NEU3: variants seen among roughly 807,000 people sequenced by gnomAD.
The protein encoded by NEU3 is sialidase-3.
In NEU3, 10 loss-of-function variants were observed where a neutral mutation model predicts 11.4. The ratio of observed to expected loss-of-function variants is 0.88; its 90% CI spans 0.54 to 1.49. The LOEUF (loss-of-function observed/expected upper bound fraction) is 1.49, where lower values mean the gene tolerates loss of function less well. Ranked by LOEUF, NEU3 falls within the 40% of genes most tolerant of loss-of-function variation. The probability of loss-of-function intolerance (pLI) is 0.00; values close to 1 mark genes in which losing one functional copy is unlikely to be tolerated. For synonymous variants in NEU3, 212 were observed against 228.2 expected (o/e 0.93, Z 0.64); for missense variants, 529 against 581.8 (o/e 0.91, Z 0.93).
In NEU3 at chr11:74,994,675, C is replaced by A. The variant is rs780006680; in HGVS notation, c.261C>A (p.Leu87=). The A allele has an allele frequency of 3.7e-6, 6 of 1,614,006 alleles. No homozygotes were observed. Among genetic ancestry groups the A allele is most frequent in the Non-Finnish European group, 5.1e-6 (6 of 1,179,900 alleles). Residue 87 remains leucine, a synonymous_variant, in exon 2 of 3, where the codon CTC becomes CTA. Coordinates refer to ENST00000294064, the MANE Select transcript of NEU3 (RefSeq NM_006656.6). ...KRSTRRDEDA[L]HLVLRRGLRI... is the part of the protein sequence containing the mutation. ...CTACGAGGAGAGATGAGGATGCTCT[C>A]CACCTGGTGCTGAGGCGAGGGTTGA... is the stretch of plus-strand genomic sequence containing the variant.
chr11:75,002,978 T>C (rs1948860948), intron 2 of NEU3, among the ~76,000 whole-genome samples: 1 of 152,214 alleles, frequency 6.6e-6, no homozygotes, highest in Non-Finnish European at 1.5e-5. Flanking sequence ...GTTGGATACT[T>C]GGGTTAGTTA....
chr11:75,003,021 C>A (rs1948861487), intron 2 of NEU3, among the ~76,000 whole-genome samples: 1 of 152,054 alleles, frequency 6.6e-6, no homozygotes, highest in Non-Finnish European at 1.5e-5. Flanking sequence ...TGTGAATATT[C>A]TTATACATGT....
chr11:74,985,004 A>G (rs1948657019), upstream of NEU3, among the ~76,000 whole-genome samples: 1 of 152,228 alleles, frequency 6.6e-6, no homozygotes, highest in African/African-American at 2.4e-5. Flanking sequence ...GATTGGAGCC[A>G]GGATTCTCTA....
In NEU3 at chr11:75,005,616, A is replaced by T; in HGVS notation, c.510A>T (p.Ser170=). 6.2e-7 allele frequency: 1 copy of T among 1,613,976 alleles called. No homozygotes were observed. Among genetic ancestry groups the T allele is most frequent in the South Asian group, 1.1e-5 (1 of 91,076 alleles). Reference sequence around the variant, plus strand: ...TCTACAGTCAGGATGCTGGATGTTCATGGAGTGAGGTGAGGGACTTGACTG... The same window carrying T: ...TCTACAGTCAGGATGCTGGATGTTCTTGGAGTGAGGTGAGGGACTTGACTG... ...CFIYSQDAGC[S]WSEVRDLTEE... Residue 170 remains serine, a synonymous_variant, in exon 3 of 3, where the codon TCA becomes TCT. Transcript: ENST00000294064.
upstream of NEU3, chr11:74,988,765 T>C (rs748896003): frequency 5.0e-4 from 212 of 423,172 alleles, no homozygotes; most frequent in Non-Finnish European, 7.3e-4. Flanking sequence ...AGGGTGGAGG[T>C]GGTGCCGGTC....
the NEU3 span, among the ~76,000 whole-genome samples, chr11:74,982,724 A>G: frequency 1.3e-4 from 20 of 152,144 alleles, no homozygotes; most frequent in African/African-American, 4.1e-4. Context: ...GGGCAGATCT[A>G]CAATAGCATG....
rs1384995376 is a variant in NEU3, at chr11:75,006,098, C to G, written c.992C>G (p.Ser331Cys). ...GAGATCCCACATAGGTGCCAGGACT[C>G]TAGCAGCAAAGATGCACCCACCATT... ...PLEIPHRCQD[S>C]SSKDAPTIQQ... The change falls in exon 3 of 3, where the codon TCT (serine) becomes TGT (cysteine). Residue 331 changes from serine (S) to cysteine (C), a missense_variant. By Grantham distance (112) the Ser-to-Cys change is moderately radical. Coordinates refer to ENST00000294064, the MANE Select transcript of NEU3 (RefSeq NM_006656.6). 3 of 1,613,878 alleles carry G rather than the reference C, an allele frequency of 1.9e-6. No homozygotes were observed. Among genetic ancestry groups the G allele is most frequent in the Non-Finnish European group, 2.5e-6 (3 of 1,179,904 alleles).
downstream of NEU3, among the ~76,000 whole-genome samples, chr11:75,015,896 C>T (rs117441346): frequency 7.2e-5 from 11 of 152,152 alleles, no homozygotes; most frequent in Non-Finnish European, 1.5e-4. Flanking sequence ...ATAAAGGTAA[C>T]ATCATAGCAT....
At chr11:74,983,976 A>C (rs932228368), upstream of NEU3, among the ~76,000 whole-genome samples, 1 of 152,026 alleles carries the variant, frequency 6.6e-6, no homozygotes, top group Non-Finnish European at 1.5e-5. Flanking sequence ...GTCAGTACTG[A>C]TTGGTCTTAT....
At chr11:74,995,283 A>G (rs1948778314) in intron 2 of NEU3, among the ~76,000 whole-genome samples, 1 of 152,190 alleles carries the variant, frequency 6.6e-6, no homozygotes, top group African/African-American at 2.4e-5. Flanking sequence ...TGTGAGGTAT[A>G]TTTTATTATC....
At chr11:74,984,182 C>T (rs982652536), upstream of NEU3, among the ~76,000 whole-genome samples, 1 of 152,200 alleles carries the variant, frequency 6.6e-6, no homozygotes, top group South Asian at 2.1e-4. Flanking sequence ...TCATGGGTCT[C>T]TAGCATTTCT....
At chr11:74,998,738 T>A (rs1317038471) in intron 2 of NEU3, among the ~76,000 whole-genome samples, 2 of 152,218 alleles carry the variant, frequency 1.3e-5, no homozygotes, top group African/African-American at 4.8e-5. Flanking sequence ...ACATTTCTCT[T>A]GGTGAAGTTT....
downstream of NEU3, among the ~76,000 whole-genome samples, chr11:75,013,396 G>C (rs1749638513): frequency 6.6e-6 from 1 of 152,208 alleles, no homozygotes; most frequent in Non-Finnish European, 1.5e-5. Flanking sequence ...TTGACTGTTG[G>C]ATGCTAAGAA....
downstream of NEU3, among the ~76,000 whole-genome samples, chr11:75,011,108 G>A (rs7111955): frequency 0.037 from 5,591 of 152,250 alleles, 98 homozygotes; most frequent in Non-Finnish European, 0.04. Context: ...GGGAAGCAGA[G>A]CAGGGATTAC....
rs1200013260 is a variant in NEU3 at position 75,009,429 on chromosome 11, T to C, written c.*2937T>C. 6.6e-6 allele frequency: 1 copy of C among 152,212 alleles called. No individual in the cohort carries two copies. Among genetic ancestry groups the C allele is most frequent in the Non-Finnish European group, 1.5e-5 (1 of 68,062 alleles). 9.4% of individuals were successfully genotyped at this position (152,212 alleles called of 1,614,324 possible). A position where few individuals can be genotyped will look rare whatever the true frequency, so the allele number is the denominator to read the frequency against. On this transcript the variant is annotated 3_prime_UTR_variant, in exon 3 of 3. Coordinates refer to ENST00000294064, the MANE Select transcript of NEU3 (RefSeq NM_006656.6). ...CCAACAAAGACAGCTATAGACACTCTAACTCTGTGCCAATTACCCAAGGCC... is the reference window on the plus strand; with the variant it reads ...CCAACAAAGACAGCTATAGACACTCCAACTCTGTGCCAATTACCCAAGGCC...
intron 1 of NEU3, among the ~76,000 whole-genome samples, chr11:74,990,689 G>A (rs141044685): frequency 3.0e-4 from 46 of 152,132 alleles, no homozygotes; most frequent in African/African-American, 8.2e-4. Flanking sequence ...GCCCTAACCC[G>A]CTCCATGCCT....
intron 1 of NEU3, chr11:74,990,283 T>C (rs767817010): frequency 2.8e-4 from 120 of 421,810 alleles, no homozygotes; most frequent in Admixed American, 3.9e-4. Context: ...CAGCAAGAAA[T>C]GGAGCTGAGA....
Position 75,006,049 on chromosome 11 carries a change from A to C in NEU3, c.943A>C (p.Ser315Arg). The change falls in exon 3 of 3, where the codon AGT becomes CGT. Residue 315 changes from serine (S) to arginine (R), a missense_variant. Coordinates refer to ENST00000294064, the MANE Select transcript of NEU3 (RefSeq NM_006656.6). ...TGAGCCCCCACATGGTTGCCAAGGG[A>C]GTGTGGTAAGTTTCCGGCCCCTGGA... ...LCEPPHGCQG[S>R]VVSFRPLEIP... 1 of 1,613,866 alleles carries C rather than the reference A, an allele frequency of 6.2e-7. No individual in the cohort carries two copies. Among genetic ancestry groups the C allele is most frequent in the Non-Finnish European group, 8.5e-7 (1 of 1,179,856 alleles).
chr11:74,988,717 G>A, upstream of NEU3: 1 of 349,562 alleles, frequency 2.9e-6, no homozygotes, highest in Non-Finnish European at 5.3e-6. Context: ...GCGGCCGTTG[G>A]GAACTGAGGT....
Sources: gnomAD v4.1 joint callset for allele counts (sites outside exome capture counted in the v4.1 genomes callset) on GRCh38, gnomAD v4.1.1 for gene constraint, MANE v1.5 for transcripts, NCBI Gene and HGNC (gene_info 2026-07-23, HGNC 2026-07-21) for gene names.